SPRY3: variants seen among roughly 807,000 people sequenced by gnomAD.
SPRY3 encodes protein sprouty homolog 3.
A neutral mutation model predicts 20.2 loss-of-function variants in SPRY3; 15 were observed. That is an observed-to-expected ratio of 0.74 (90% CI 0.50 to 1.14). The LOEUF is 1.14. Among genes scored for constraint, SPRY3 ranks in the 50% most tolerant of loss-of-function variants. The pLI is 0.00. For missense variants in SPRY3, 364 were observed against 363.9 expected (o/e 1.00, Z 0.00); for synonymous variants, 143 against 136.5 (o/e 1.05, Z -0.33).
chrX:155,781,772 A>C (rs1215759372), downstream of SPRY3: 3 of 167,040 alleles, frequency 1.8e-5, no homozygotes, highest in African/African-American at 7.2e-5. Context: ...TAAGTCTCTA[A>C]AACAACATAA....
chrX:155,714,835 GGAGCCTCTCTCT>G (rs1399679287), intron 2 of SPRY3, among the ~76,000 whole-genome samples: 2 of 152,020 alleles, frequency 1.3e-5, no homozygotes, highest in African/African-American at 4.8e-5. Flanking sequence ...CCCAAGCAGA[GGAGCCTCTCTCT>G]GTGGCCACCA....
intron 1 of SPRY3, among the ~76,000 whole-genome samples, chrX:155,648,264 A>T (rs1273329110): frequency 1.7e-4 from 19 of 112,339 alleles, no homozygotes; most frequent in African/African-American, 6.1e-4. Flanking sequence ...GTTCACTCTG[A>T]TGATAGTTTC....
intron 1 of SPRY3, among the ~76,000 whole-genome samples, chrX:155,652,101 C>A (rs1038440780): frequency 9.0e-6 from 1 of 110,820 alleles, no homozygotes; most frequent in Admixed American, 9.6e-5. Flanking sequence ...TGAGAACTCA[C>A]CATCAGGAGA....
intron 2 of SPRY3, among the ~76,000 whole-genome samples, chrX:155,688,709 T>G (rs1258562615): frequency 9.2e-6 from 1 of 109,237 alleles, no homozygotes; most frequent in Non-Finnish European, 1.9e-5. Flanking sequence ...TTTTTTAAGT[T>G]CTGGGGTACA....
At chrX:155,705,094 A>T (rs2090940924) in intron 2 of SPRY3, among the ~76,000 whole-genome samples, 1 of 151,500 alleles carries the variant, frequency 6.6e-6, no homozygotes, top group Admixed American at 6.6e-5. Context: ...AATGAAGCAT[A>T]GGAAGGTAAA....
intron 2 of SPRY3, among the ~76,000 whole-genome samples, chrX:155,730,447 T>C (rs887662579): frequency 6.6e-6 from 1 of 152,132 alleles, no homozygotes; most frequent in Non-Finnish European, 1.5e-5. Flanking sequence ...ATGTGATCAT[T>C]TCAATAGATG....
At chrX:155,766,605 A>G (rs1189654694) in intron 2 of SPRY3, among the ~76,000 whole-genome samples, 14 of 152,192 alleles carry the variant, frequency 9.2e-5, no homozygotes, top group Admixed American at 7.9e-4. Context: ...TATTTTAAAT[A>G]TAAAGCTGCT....
intron 2 of SPRY3, among the ~76,000 whole-genome samples, chrX:155,736,109 T>C (rs770624571): frequency 6.6e-6 from 1 of 152,114 alleles, no homozygotes; most frequent in South Asian, 2.1e-4. Context: ...TCCTAGTTCC[T>C]CTCTCCTATC....
At chrX:155,774,726 A>G in exon 4 of SPRY3, 1 of 1,612,024 alleles carries the variant, frequency 6.2e-7, no homozygotes, top group Non-Finnish European at 8.5e-7. Flanking sequence ...AGGCCCAGGA[A>G]AAGTCTGTAT....
At chrX:155,767,129 T>C (rs1326110064) in intron 2 of SPRY3, among the ~76,000 whole-genome samples, 4 of 152,070 alleles carry the variant, frequency 2.6e-5, no homozygotes, top group African/African-American at 9.7e-5. Flanking sequence ...CAGAGATTCC[T>C]ATGGGGAGTT....
At chrX:155,651,337 G>A (rs1557352372) in intron 1 of SPRY3, among the ~76,000 whole-genome samples, 2 of 111,585 alleles carry the variant, frequency 1.8e-5, no homozygotes, top group Non-Finnish European at 1.9e-5. Context: ...GGGATTACAG[G>A]CATGAGCCAG....
At chrX:155,629,177 C>T (rs1337153714) in intron 1 of SPRY3, among the ~76,000 whole-genome samples, 11 of 74,768 alleles carry the variant, frequency 1.5e-4, no homozygotes, top group Non-Finnish European at 1.9e-4. Flanking sequence ...CCATGACAGA[C>T]GCCGGTGTGT....
At chrX:155,688,605 C>A (rs642043) in intron 2 of SPRY3, among the ~76,000 whole-genome samples, 1 of 109,480 alleles carries the variant, frequency 9.1e-6, no homozygotes. Context: ...TATTTCATTG[C>A]GGTTTTGATG....
At chrX:155,734,960 A>G (rs1212625270) in intron 2 of SPRY3, among the ~76,000 whole-genome samples, 1 of 151,630 alleles carries the variant, frequency 6.6e-6, no homozygotes, top group Non-Finnish European at 1.5e-5. Flanking sequence ...TTGATTTTAT[A>G]TCTTTCTTTC....
intron 2 of SPRY3, among the ~76,000 whole-genome samples, chrX:155,745,224 A>T (rs769921494): frequency 6.6e-6 from 1 of 152,234 alleles, no homozygotes; most frequent in East Asian, 1.9e-4. Context: ...GGGGTCAGCT[A>T]GTTGGTGTTC....
chrX:155,672,302 C>T (rs113297763), intron 2 of SPRY3, among the ~76,000 whole-genome samples: 2 of 109,758 alleles, frequency 1.8e-5, no homozygotes, highest in East Asian at 2.8e-4. Context: ...AGAAAATTTT[C>T]GCAACCTACT....
At chrX:155,716,039 C>T (rs950106020) in intron 2 of SPRY3, among the ~76,000 whole-genome samples, 3 of 152,120 alleles carry the variant, frequency 2.0e-5, no homozygotes, top group Non-Finnish European at 2.9e-5. Flanking sequence ...CGTGATTGCT[C>T]ATCTGATTTT....
At chrX:155,758,876 C>G (rs1285022040) in intron 2 of SPRY3, among the ~76,000 whole-genome samples, 1 of 151,978 alleles carries the variant, frequency 6.6e-6, no homozygotes, top group Non-Finnish European at 1.5e-5. Flanking sequence ...TTAGTAAAAA[C>G]CTAAATAAGT....
intron 3 of SPRY3, among the ~76,000 whole-genome samples, chrX:155,768,815 T>C (rs1261249638): frequency 6.6e-6 from 1 of 152,224 alleles, no homozygotes; most frequent in Admixed American, 6.5e-5. Context: ...CCTAGGGCAA[T>C]GGTTTACTGC....
Sources: gnomAD v4.1 joint callset for allele counts (sites outside exome capture counted in the v4.1 genomes callset) on GRCh38, gnomAD v4.1.1 for gene constraint, MANE v1.5 for transcripts, NCBI Gene and HGNC (gene_info 2026-07-23, HGNC 2026-07-21) for gene names.